Variants in RANBP2 observed in about 807,000 individuals in gnomAD.
RANBP2 encodes RAN binding protein 2, also known as E3 SUMO-protein ligase RanBP2.
RANBP2 carries 57 observed loss-of-function variants against 303.6 expected under a neutral mutation model. The ratio of observed to expected loss-of-function variants is 0.19; its 90% CI spans 0.15 to 0.23. The LOEUF (loss-of-function observed/expected upper bound fraction) is 0.23. Among genes scored for constraint, RANBP2 ranks in the 10% least tolerant of loss-of-function variants. The probability of loss-of-function intolerance (pLI) is 1.00; values close to 1 mark genes in which losing one functional copy is unlikely to be tolerated. For synonymous variants in RANBP2, 1,167 were observed against 1,301.5 expected (o/e 0.90, Z 2.23); for missense variants, 3,138 against 3,780.8 (o/e 0.83, Z 4.46).
chr2:109,441,438 A>G, the RANBP2 span, among the ~76,000 whole-genome samples: 3 of 152,210 alleles, frequency 2.0e-5, no homozygotes, highest in Non-Finnish European at 4.4e-5. Flanking sequence ...GGCAGATTAA[A>G]CATTGCTGAA....
the RANBP2 span, among the ~76,000 whole-genome samples, chr2:109,188,118 C>CT: frequency 6.6e-6 from 1 of 152,262 alleles, no homozygotes; most frequent in South Asian, 2.1e-4. Flanking sequence ...TCTCGGACAT[C>CT]TAATGAGCAT....
the RANBP2 span, among the ~76,000 whole-genome samples, chr2:109,491,983 C>T: frequency 2.6e-5 from 4 of 152,160 alleles, no homozygotes; most frequent in African/African-American, 9.7e-5. Flanking sequence ...TCTATCCTCA[C>T]ATATTCTTCT....
the RANBP2 span, among the ~76,000 whole-genome samples, chr2:108,973,187 C>T: frequency 2.0e-5 from 3 of 152,172 alleles, no homozygotes; most frequent in Non-Finnish European, 2.9e-5. Flanking sequence ...GGGGTTTCAC[C>T]ATGTTGGCCA....
chr2:109,402,314 A>C, the RANBP2 span, among the ~76,000 whole-genome samples: 1 of 152,260 alleles, frequency 6.6e-6, no homozygotes, highest in African/African-American at 2.4e-5. Flanking sequence ...ACAGTGCTGC[A>C]GGGATTCTCT....
the RANBP2 span, among the ~76,000 whole-genome samples, chr2:109,443,404 A>G: frequency 6.6e-6 from 1 of 152,164 alleles, no homozygotes; most frequent in Non-Finnish European, 1.5e-5. Flanking sequence ...GCCTTGTTCA[A>G]CCTCAGCTGG....
the RANBP2 span, among the ~76,000 whole-genome samples, chr2:109,715,086 G>A: frequency 6.6e-6 from 1 of 151,836 alleles, no homozygotes; most frequent in East Asian, 1.9e-4. Context: ...TCCTTCTTCA[G>A]CCTCCCAGGT....
chr2:108,979,582 A>G, the RANBP2 span, among the ~76,000 whole-genome samples: 1 of 151,878 alleles, frequency 6.6e-6, no homozygotes, highest in African/African-American at 2.4e-5. Flanking sequence ...GCGGCTGGGG[A>G]CTTGGAGACC....
chr2:109,295,436 C>A, the RANBP2 span, among the ~76,000 whole-genome samples: 2 of 152,184 alleles, frequency 1.3e-5, no homozygotes, highest in South Asian at 4.1e-4. Flanking sequence ...AGGGCGGGAG[C>A]CGAGGGGCAC....
intron 17 of RANBP2, among the ~76,000 whole-genome samples, chr2:108,756,889 T>TA (rs1251732839): frequency 6.6e-6 from 1 of 152,232 alleles, no homozygotes; most frequent in African/African-American, 2.4e-5. Context: ...ACAGTGACCA[T>TA]AAAGTTTTCT....
the RANBP2 span, among the ~76,000 whole-genome samples, chr2:109,378,114 G>T: frequency 6.6e-6 from 1 of 152,214 alleles, no homozygotes; most frequent in Admixed American, 6.5e-5. Context: ...GACTTCCCAT[G>T]AGAGCCACAA....
chr2:108,781,282 A>G lies in RANBP2; in HGVS notation c.8613A>G (p.Gln2871=), dbSNP rs369829153. The change falls in exon 26 of 29, where the codon CAA becomes CAG. Residue 2871 remains glutamine, a synonymous_variant. Transcript: ENST00000283195. ...FAFGSKDKNF[Q]WANTGAAVFG... is the part of the protein sequence containing the mutation. The stretch of plus-strand genomic sequence containing the variant: ...TTTATTCATCAGATAAAAATTTCCA[A>G]TGGGCAAATACTGGAGCAGCTGTGT... 9.5e-5 allele frequency: 153 copies of G among 1,614,180 alleles called. No homozygotes were observed. The highest frequency in any genetic ancestry group is 6.6e-4 in the Middle Eastern group (4 of 6,062).
chr2:109,613,306 A>G, the RANBP2 span: 4 of 548,476 alleles, frequency 7.3e-6, no homozygotes, highest in South Asian at 9.0e-5. Context: ...AACGGTTTAA[A>G]ATCCCAATGG....
At chr2:109,556,164 C>A in the RANBP2 span, among the ~76,000 whole-genome samples, 1 of 152,172 alleles carries the variant, frequency 6.6e-6, no homozygotes, top group African/African-American at 2.4e-5. Context: ...TGGAACTCTA[C>A]CAGTAGCTGC....
the RANBP2 span, among the ~76,000 whole-genome samples, chr2:109,381,521 C>T: frequency 1.7e-4 from 26 of 152,124 alleles, no homozygotes; most frequent in African/African-American, 6.0e-4. Flanking sequence ...CTCCCTTCAG[C>T]GTGGCCATCA....
the RANBP2 span, among the ~76,000 whole-genome samples, chr2:108,936,300 C>T: frequency 2.0e-5 from 3 of 152,262 alleles, no homozygotes; most frequent in African/African-American, 7.2e-5. Context: ...GTGGCCCCTC[C>T]AGCGTGCTTA....
the RANBP2 span, chr2:108,794,527 AT>A: frequency 6.3e-7 from 1 of 1,589,496 alleles, no homozygotes. Flanking sequence ...TGCAAATGTT[AT>A]TTTCTTTGCA....
the RANBP2 span, among the ~76,000 whole-genome samples, chr2:109,150,398 C>G: frequency 6.6e-6 from 1 of 152,004 alleles, no homozygotes; most frequent in Non-Finnish European, 1.5e-5. Flanking sequence ...TGATGATAGT[C>G]GAAGCCATTT....
rs754409615 is a variant in RANBP2, at chr2:108,762,158, A to G, written c.2660A>G (p.Tyr887Cys). The change falls in exon 19 of 29, where the codon TAT becomes TGT. Residue 887 changes from tyrosine (Y) to cysteine (C), a missense_variant. Physicochemically the swap from Tyr to Cys is radical, Grantham distance 194 (BLOSUM62 -2). Transcript: ENST00000283195. ...CAGTCACCAGCATATAATTCCCAGTATCTTCTCAGACCAGCAGCTAATGTT... is the reference window on the plus strand; with the variant it reads ...CAGTCACCAGCATATAATTCCCAGTGTCTTCTCAGACCAGCAGCTAATGTT... Reference protein sequence around the residue: ...YSQSPAYNSQYLLRPAANVTP... With the variant: ...YSQSPAYNSQCLLRPAANVTP... The G allele has an allele frequency of 6.9e-6, 11 of 1,594,622 alleles. No homozygotes were observed. The highest frequency in any genetic ancestry group is 1.7e-5 in the Admixed American group (1 of 59,710).
At chr2:109,078,863 C>T in the RANBP2 span, among the ~76,000 whole-genome samples, 3 of 151,328 alleles carry the variant, frequency 2.0e-5, no homozygotes, top group Non-Finnish European at 4.4e-5. Flanking sequence ...TGGTGGCACA[C>T]ACCCGTAGTC....
Sources: allele counts gnomAD v4.1 joint callset (sites outside exome capture counted in the v4.1 genomes callset), GRCh38; gene constraint gnomAD v4.1.1; transcripts MANE v1.5; gene names NCBI Gene and HGNC (gene_info 2026-07-23, HGNC 2026-07-21).